Variants in INPP5A observed in about 807,000 individuals in gnomAD.
INPP5A encodes 43 kDa inositol polyphosphate 5-phophatase.
A neutral mutation model predicts 65.2 loss-of-function variants in INPP5A; 14 were observed. The ratio of observed to expected loss-of-function variants is 0.21; its 90% confidence interval spans 0.14 to 0.34. The LOEUF is 0.34. INPP5A is among the 10% of genes least tolerant of loss of function. INPP5A has a pLI of 1.00. For synonymous variants in INPP5A, 207 were observed against 208.3 expected, an observed-to-expected ratio of 0.99 and a Z score of 0.05; for missense variants, 431 against 545.6, an observed-to-expected ratio of 0.79 and a Z score of 2.09.
rs1034334546 is a variant in INPP5A at position 132,782,481 on chromosome 10, C to T, written c.*452C>T. 1 of 209,474 alleles carries T rather than the reference C, an allele frequency of 4.8e-6. No individual in the cohort carries two copies. The highest frequency in any genetic ancestry group is 7.4e-5 in the South Asian group (1 of 13,502). The allele number at this position is 209,474 out of a possible 1,614,324, so 13.0% of individuals were successfully genotyped here. ...GGGCACTCCCTCTGCCGGCCGGCAGCGTGGCCCTGAGCATGGCAAGGGGGT... is the reference window on the plus strand; with the variant it reads ...GGGCACTCCCTCTGCCGGCCGGCAGTGTGGCCCTGAGCATGGCAAGGGGGT... On this transcript the variant is annotated 3_prime_UTR_variant, in exon 16 of 16. Transcript: ENST00000368594. This position sits in a 1 kb window ranked among gnomAD's most constrained non-coding sequence, Gnocchi z 4.4.
intron 1 of INPP5A, among the ~76,000 whole-genome samples, chr10:132,559,238 C>T (rs1263844061): frequency 6.6e-6 from 1 of 152,238 alleles, no homozygotes; most frequent in South Asian, 2.1e-4. Context: ...AGCTCCATCC[C>T]CTCTCCCCGG....
intron 12 of INPP5A, among the ~76,000 whole-genome samples, chr10:132,771,596 C>T (rs1158171774): frequency 6.6e-6 from 1 of 150,486 alleles, no homozygotes; most frequent in Non-Finnish European, 1.5e-5. Flanking sequence ...GAAGTATCCC[C>T]AGTGCCCATG....
intron 12 of INPP5A, among the ~76,000 whole-genome samples, chr10:132,774,758 G>A (rs977814916): frequency 1.3e-5 from 2 of 151,558 alleles, no homozygotes; most frequent in African/African-American, 2.4e-5. Flanking sequence ...ACAATCTGCC[G>A]TGCAGCCTAC....
intron 4 of INPP5A, among the ~76,000 whole-genome samples, chr10:132,654,938 T>A (rs1346277193): frequency 1.3e-5 from 2 of 152,202 alleles, no homozygotes; most frequent in Non-Finnish European, 2.9e-5. Flanking sequence ...CTACCGGAGA[T>A]GATCAGAAGG....
intron 13 of INPP5A, among the ~76,000 whole-genome samples, chr10:132,779,993 G>A (rs755253839): frequency 3.9e-5 from 6 of 152,270 alleles, no homozygotes; most frequent in East Asian, 1.9e-4. Context: ...ACCACGCTGC[G>A]TTTGATGAAT....
intron 9 of INPP5A, among the ~76,000 whole-genome samples, chr10:132,732,503 C>T (rs924468596): frequency 2.6e-5 from 4 of 152,236 alleles, no homozygotes; most frequent in Non-Finnish European, 5.9e-5. Context: ...GAATAAGGAC[C>T]GCTTTTCCCT....
At chr10:132,613,260 C>T (rs752168178) in intron 2 of INPP5A, among the ~76,000 whole-genome samples, 2 of 144,416 alleles carry the variant, frequency 1.4e-5, no homozygotes, top group Admixed American at 1.4e-4. Context: ...CACAGGACCC[C>T]CTCCTTCCCG....
rs534060886 is a variant in INPP5A at position 132,651,613 on chromosome 10, C to T, written c.306+1108C>T. The stretch of plus-strand genomic sequence containing the variant: ...CCCACTAGCCGTCATTGCGCCGTCA[C>T]GTGACAGGCCCTTGTTAATCTGCCC... On this transcript the variant is annotated intron_variant, in intron 4 of 15. Coordinates refer to ENST00000368594, the MANE Select transcript of INPP5A (RefSeq NM_005539.5). The surrounding 1 kb of genome is among the most constrained non-coding windows in gnomAD (Gnocchi z 5.0). Among the ~76,000 whole-genome samples, 14 of 152,330 alleles carry T rather than the reference C, an allele frequency of 9.2e-5. No homozygotes were observed. The highest frequency in any genetic ancestry group is 1.2e-4 in the African/African-American group (5 of 41,578).
chr10:132,580,072 G>C (rs1321024858), intron 1 of INPP5A, among the ~76,000 whole-genome samples: 1 of 152,012 alleles, frequency 6.6e-6, no homozygotes, highest in African/African-American at 2.4e-5. Flanking sequence ...AGTTTTCATT[G>C]AATAATCTGC....
intron 12 of INPP5A, among the ~76,000 whole-genome samples, chr10:132,771,699 C>CA: frequency 8.9e-6 from 1 of 112,032 alleles, no homozygotes; most frequent in Admixed American, 8.3e-5. Flanking sequence ...ACAGAGGCCA[C>CA]GGCAGCCACC....
rs138441487 is a variant in INPP5A at position 132,749,583 on chromosome 10, A to G, written c.799A>G (p.Ile267Val). ...AADTNEVVKL[I>V]FRESDNDRKV... ...CGACACCAATGAAGTGGTGAAGCTC[A>G]TATTTCGTGAGTCGGACAACGACCG... Residue 267 changes from isoleucine (I) to valine (V), a missense_variant, in exon 10 of 16, where the codon ATA (isoleucine) becomes GTA (valine). Coordinates refer to ENST00000368594, the MANE Select transcript of INPP5A (RefSeq NM_005539.5). 57 of 1,613,000 alleles carry G rather than the reference A, an allele frequency of 3.5e-5. No homozygotes were observed. Among genetic ancestry groups the G allele is most frequent in the African/African-American group, 2.8e-4 (21 of 75,056 alleles).
chr10:132,765,755 G>A lies in INPP5A; in HGVS notation c.904-18G>A, dbSNP rs752764173. ...GAAAACCAATGTGACTTTATTTTCTGCTCTTTCTTTTCTTTAGCTCTTGGA... is the reference window on the plus strand; with the variant it reads ...GAAAACCAATGTGACTTTATTTTCTACTCTTTCTTTTCTTTAGCTCTTGGA... On this transcript the variant is annotated intron_variant, in intron 11 of 15. Transcript: ENST00000368594. The A allele has an allele frequency of 6.5e-7, 1 of 1,539,330 alleles. No individual in the cohort carries two copies. The highest frequency in any genetic ancestry group is 9.0e-7 in the Non-Finnish European group (1 of 1,111,898).
intron 9 of INPP5A, among the ~76,000 whole-genome samples, chr10:132,734,835 G>A (rs1846148434): frequency 6.6e-6 from 1 of 152,216 alleles, no homozygotes; most frequent in South Asian, 2.1e-4. Context: ...GGGAGTGTCG[G>A]AGTCAAAGGC....
intron 1 of INPP5A, among the ~76,000 whole-genome samples, chr10:132,598,821 G>C (rs1053035457): frequency 6.6e-6 from 1 of 152,188 alleles, no homozygotes; most frequent in African/African-American, 2.4e-5. Flanking sequence ...TCAGAATCAT[G>C]GCAGGAGGTG....
chr10:132,547,550 G>A lies in INPP5A; in HGVS notation c.75+9379G>A, dbSNP rs1176285199. On this transcript the variant is annotated intron_variant, in intron 1 of 15. Transcript: ENST00000368594. The surrounding 1 kb of genome is among the most constrained non-coding windows in gnomAD (Gnocchi z 5.5). ...CACCTGCCTGGCATCTGGGGTTCCC[G>A]GGAGGCCGGGCACCTGCACCCTCGC... 1.3e-5 allele frequency among the ~76,000 whole-genome samples: 2 copies of A among 152,148 alleles called. No individual in the cohort carries two copies. The highest frequency in any genetic ancestry group is 2.9e-5 in the Non-Finnish European group (2 of 68,006).
chr10:132,713,573 C>T (rs552121317), intron 8 of INPP5A, among the ~76,000 whole-genome samples: 1 of 152,242 alleles, frequency 6.6e-6, no homozygotes, highest in East Asian at 1.9e-4. Context: ...GAGGCGTGGC[C>T]CCTTATCCCC....
chr10:132,546,318 G>A lies in INPP5A; in HGVS notation c.75+8147G>A, dbSNP rs891424968. ...AAAAGGCCCTCTGCTGCCGCTCCAG[G>A]TTCAGAAGATGCCGCTTCTGGTTTT... On this transcript the variant is annotated intron_variant, in intron 1 of 15. Coordinates refer to ENST00000368594, the MANE Select transcript of INPP5A (RefSeq NM_005539.5). This position sits in a 1 kb window ranked among gnomAD's most constrained non-coding sequence, Gnocchi z 5.7. 6.6e-6 allele frequency among the ~76,000 whole-genome samples: 1 copy of A among 152,190 alleles called. No individual in the cohort carries two copies. The highest frequency in any genetic ancestry group is 2.4e-5 in the African/African-American group (1 of 41,442).
intron 1 of INPP5A, among the ~76,000 whole-genome samples, chr10:132,576,614 C>G (rs1212358595): frequency 1.3e-5 from 2 of 152,218 alleles, no homozygotes; most frequent in African/African-American, 4.8e-5. Flanking sequence ...TTTTCCCAAC[C>G]AGCTAACAGG....
intron 1 of INPP5A, among the ~76,000 whole-genome samples, chr10:132,574,379 G>A (rs1253384385): frequency 6.7e-6 from 1 of 149,612 alleles, no homozygotes; most frequent in African/African-American, 2.5e-5. Context: ...AGGTTTTGTT[G>A]AGATGTTGGG....
Sources: gnomAD v4.1 joint callset for allele counts (sites outside exome capture counted in the v4.1 genomes callset) on GRCh38, gnomAD v4.1.1 for gene constraint, Gnocchi (gnomAD v3.1) non-coding constraint, MANE v1.5 for transcripts, NCBI Gene and HGNC (gene_info 2026-07-23, HGNC 2026-07-21) for gene names.